Variants in PTPRD observed in about 807,000 individuals in gnomAD.
PTPRD encodes receptor-type tyrosine-protein phosphatase delta.
In PTPRD, 34 loss-of-function variants were observed where a neutral mutation model predicts 214.5. The ratio of observed to expected loss-of-function variants is 0.16; its 90% CI spans 0.12 to 0.21. The LOEUF (loss-of-function observed/expected upper bound fraction) is 0.21, where lower values mean the gene tolerates loss of function less well. PTPRD is among the 10% of genes least tolerant of loss of function. The probability of loss-of-function intolerance (pLI) is 1.00; values close to 1 mark genes in which losing one functional copy is unlikely to be tolerated. For synonymous variants in PTPRD, 1,128 were observed against 845.7 expected, an observed-to-expected ratio of 1.33 and a Z score of -5.79; for missense variants, 2,545 against 2,398.7, an observed-to-expected ratio of 1.06 and a Z score of -1.27.
intron 8 of PTPRD, among the ~76,000 whole-genome samples, chr9:9,480,045 G>A (rs956791445): frequency 7.2e-5 from 11 of 152,034 alleles, no homozygotes; most frequent in African/African-American, 2.7e-4. Flanking sequence ...AAATATCTGG[G>A]ATCAATTGTC....
intron 5 of PTPRD, among the ~76,000 whole-genome samples, chr9:9,779,592 CAT>C (rs1336041360): frequency 6.6e-6 from 1 of 152,060 alleles, no homozygotes; most frequent in Non-Finnish European, 1.5e-5. Context: ...AGCCAAGAAA[CAT>C]ATATAAAAAA....
chr9:10,014,590 A>G (rs2096663521), intron 4 of PTPRD, among the ~76,000 whole-genome samples: 1 of 152,014 alleles, frequency 6.6e-6, no homozygotes, highest in Admixed American at 6.6e-5. Context: ...CTTTCAGTAT[A>G]TTTTACTTTA....
At chr9:9,447,222 T>C (rs2090729771) in intron 8 of PTPRD, among the ~76,000 whole-genome samples, 1 of 152,182 alleles carries the variant, frequency 6.6e-6, no homozygotes, top group Non-Finnish European at 1.5e-5. Flanking sequence ...ACATGTATGT[T>C]CACTGCATCA....
chr9:9,543,071 T>C (rs59415976), intron 8 of PTPRD, among the ~76,000 whole-genome samples: 1 of 151,406 alleles, frequency 6.6e-6, no homozygotes, highest in Non-Finnish European at 1.5e-5. Flanking sequence ...CTCATATACA[T>C]GGAAATAAAC....
chr9:8,896,810 T>C (rs1322085741), intron 11 of PTPRD, among the ~76,000 whole-genome samples: 4 of 152,152 alleles, frequency 2.6e-5, no homozygotes, highest in Non-Finnish European at 5.9e-5. Context: ...TTAGTTCCTT[T>C]AGAGTTAATA....
chr9:10,517,631 T>C (rs1164557438), intron 2 of PTPRD, among the ~76,000 whole-genome samples: 2 of 152,038 alleles, frequency 1.3e-5, no homozygotes, highest in East Asian at 3.8e-4. Context: ...TGTATCAATA[T>C]CTATAGTTAT....
At chr9:9,759,113 T>C (rs566222561) in intron 6 of PTPRD, among the ~76,000 whole-genome samples, 1 of 152,274 alleles carries the variant, frequency 6.6e-6, no homozygotes, top group East Asian at 1.9e-4. Flanking sequence ...AAAAATAACT[T>C]ATTCCTTAAT....
intron 2 of PTPRD, among the ~76,000 whole-genome samples, chr9:10,461,400 T>C (rs920488047): frequency 1.4e-4 from 21 of 152,062 alleles, no homozygotes; most frequent in African/African-American, 4.6e-4. Flanking sequence ...CTATGTTCAT[T>C]GTAGCTTTAT....
At chr9:9,626,284 T>C (rs2095423426) in intron 7 of PTPRD, among the ~76,000 whole-genome samples, 1 of 152,208 alleles carries the variant, frequency 6.6e-6, no homozygotes, top group Admixed American at 6.5e-5. Context: ...AGGGTGCTAG[T>C]AATGACTACT....
At chr9:9,768,114 C>T (rs1364064147) in intron 5 of PTPRD, among the ~76,000 whole-genome samples, 1 of 152,092 alleles carries the variant, frequency 6.6e-6, no homozygotes, top group Non-Finnish European at 1.5e-5. Flanking sequence ...ATCCCCTAGG[C>T]CAACTTCTTT....
At chr9:8,335,970 A>G (rs949882675) in intron 43 of PTPRD, among the ~76,000 whole-genome samples, 5 of 152,172 alleles carry the variant, frequency 3.3e-5, no homozygotes, top group African/African-American at 9.6e-5. Flanking sequence ...AGAGGACACA[A>G]ATGGAAGAAC....
chr9:10,120,733 T>C (rs575431540), intron 3 of PTPRD, among the ~76,000 whole-genome samples: 2 of 152,154 alleles, frequency 1.3e-5, no homozygotes, highest in South Asian at 4.2e-4. Flanking sequence ...TGACATTTCT[T>C]CTTCAATAAA....
chr9:8,814,156 C>T (rs2096873296), intron 11 of PTPRD, among the ~76,000 whole-genome samples: 1 of 111,212 alleles, frequency 9.0e-6, no homozygotes, highest in Non-Finnish European at 2.3e-5. Flanking sequence ...TGGCTTTATG[C>T]AAGTATTTTT....
At chr9:9,349,795 C>T (rs1240038596) in intron 9 of PTPRD, among the ~76,000 whole-genome samples, 6 of 151,838 alleles carry the variant, frequency 4.0e-5, no homozygotes, top group South Asian at 2.1e-4. Context: ...AAATATGTCT[C>T]ATCACCTATG....
intron 9 of PTPRD, among the ~76,000 whole-genome samples, chr9:9,184,142 A>G (rs1355446964): frequency 6.6e-6 from 1 of 151,840 alleles, no homozygotes; most frequent in Non-Finnish European, 1.5e-5. Context: ...ATGGGGAGAG[A>G]CTTTTTGACA....
In PTPRD at chr9:10,158,434, G is replaced by C. The variant is rs566551623; in HGVS notation, c.-544-124644C>G. ...AACCCCCATTTTGTAATAATGAATT[G>C]CTCTGTTAATACACTGTTGGATTTG... On this transcript the variant is annotated intron_variant, in intron 3 of 45. Coordinates refer to ENST00000381196, the MANE Select transcript of PTPRD (RefSeq NM_002839.4). 1.6e-4 allele frequency among the ~76,000 whole-genome samples: 25 copies of C among 152,232 alleles called. No individual in the cohort carries two copies. The South Asian group carries it at 5.2e-3, about 32-fold the overall frequency.
intron 11 of PTPRD, among the ~76,000 whole-genome samples, chr9:9,003,733 C>T (rs1027417032): frequency 6.6e-6 from 1 of 151,988 alleles, no homozygotes; most frequent in Non-Finnish European, 1.5e-5. Context: ...CCTTAATGCC[C>T]ATTCTGTGTT....
At chr9:9,150,257 T>A (rs918144012) in intron 10 of PTPRD, among the ~76,000 whole-genome samples, 7 of 152,104 alleles carry the variant, frequency 4.6e-5, no homozygotes, top group African/African-American at 1.7e-4. Context: ...CACAATATAA[T>A]CATTCTGCAT....
Position 10,166,780 on chromosome 9 carries a change from C to T in PTPRD, c.-544-132990G>A, listed in dbSNP as rs12351294. ...CTGAAATAAAATAAAGATGATAAGG[C>T]ATCAAGTTTTTCCACTATATCAGAT... is the stretch of plus-strand genomic sequence containing the variant. On this transcript the variant is annotated intron_variant, in intron 3 of 45. Coordinates refer to ENST00000381196, the MANE Select transcript of PTPRD (RefSeq NM_002839.4). Among the ~76,000 whole-genome samples the T allele has an allele frequency of 8.3e-3, 1,261 of 152,184 alleles. 8 individuals carry two copies. The highest frequency in any genetic ancestry group is 0.012 in the Non-Finnish European group (824 of 67,914).
Sources: allele counts gnomAD v4.1 joint callset (sites outside exome capture counted in the v4.1 genomes callset), GRCh38; gene constraint gnomAD v4.1.1; transcripts MANE v1.5; gene names NCBI Gene and HGNC (gene_info 2026-07-23, HGNC 2026-07-21).